Variants in FBXO32 observed in about 807,000 individuals in gnomAD.
The protein encoded by FBXO32 is F-box only protein 32.
In FBXO32, 15 loss-of-function variants were observed where a neutral mutation model predicts 48.3. The ratio of observed to expected loss-of-function variants is 0.31; its 90% CI spans 0.21 to 0.48. The LOEUF (loss-of-function observed/expected upper bound fraction) is 0.48, where lower values mean the gene tolerates loss of function less well. FBXO32 is among the 20% of genes least tolerant of loss of function. FBXO32 has a pLI of 0.99. For missense variants in FBXO32, 309 were observed against 432.7 expected, an observed-to-expected ratio of 0.71 and a Z score of 2.54; for synonymous variants, 154 against 165.9, an observed-to-expected ratio of 0.93 and a Z score of 0.55.
In FBXO32 at chr8:123,502,116, A is replaced by C. The variant is rs1816505330; in HGVS notation, c.*1257T>G. ...TACCTCTCCTCCCTATTTGGCTGGA[A>C]CTCCAGCCTTGATTTTTAATCACCT... is the stretch of plus-strand genomic sequence containing the variant. On this transcript the variant is annotated 3_prime_UTR_variant, in exon 9 of 9. Transcript: ENST00000517956. 1 of 152,062 alleles carries C rather than the reference A, an allele frequency of 6.6e-6. No individual in the cohort carries two copies. The allele number at this position is 152,062 out of a possible 1,614,324, so 9.4% of individuals were successfully genotyped here. A position where few individuals can be genotyped will look rare whatever the true frequency, so the allele number is the denominator to read the frequency against.
chr8:123,503,716 A>G (rs929831058), intron 8 of FBXO32, among the ~76,000 whole-genome samples: 4 of 152,222 alleles, frequency 2.6e-5, no homozygotes, highest in Non-Finnish European at 4.4e-5. Flanking sequence ...GGGTACAAAT[A>G]CACGGTATGA....
At chr8:123,536,710 AAAT>A (rs1421779114) in intron 1 of FBXO32, among the ~76,000 whole-genome samples, 1 of 152,242 alleles carries the variant, frequency 6.6e-6, no homozygotes, top group Non-Finnish European at 1.5e-5. Context: ...GAGAATCATA[AAAT>A]GAGGTTGTCT....
intron 6 of FBXO32, among the ~76,000 whole-genome samples, chr8:123,507,438 G>GGT (rs200031056): frequency 0.29 from 40,028 of 139,480 alleles, 5,884 homozygotes; most frequent in South Asian, 0.42. Flanking sequence ...TCTGTGCTAG[G>GGT]GTGTGTGTGT....
Position 123,506,417 on chromosome 8 carries a change from CAG to C in FBXO32, c.807_808del (p.Cys270ProfsTer59), listed in dbSNP as rs1816620494. The C allele has an allele frequency of 1.9e-6, 3 of 1,614,066 alleles. No individual in the cohort carries two copies. Among genetic ancestry groups the C allele is most frequent in the Admixed American group, 1.7e-5 (1 of 60,024 alleles). ...CTGCCGCTCGGAGAAGTGGTACTGG[CAG>C]AGTTTCTTCCACAGCAGCCGGTCTT... On this transcript the variant is annotated frameshift_variant, in exon 7 of 9. Transcript: ENST00000517956. LOFTEE classifies it high-confidence loss of function. This position sits in a 1 kb window ranked among gnomAD's most constrained non-coding sequence, Gnocchi z 4.0.
intron 3 of FBXO32, 55 bp from the exon 4 acceptor site, chr8:123,532,045 A>G (rs1028146008): frequency 1.2e-6 from 2 of 1,607,138 alleles, no homozygotes; most frequent in African/African-American, 2.7e-5. Flanking sequence ...AGGTCACCCA[A>G]GTAAGAATGA....
intron 4 of FBXO32, among the ~76,000 whole-genome samples, chr8:123,522,720 T>G (rs1180949631): frequency 6.6e-6 from 1 of 152,174 alleles, no homozygotes; most frequent in Non-Finnish European, 1.5e-5. Flanking sequence ...CATTTCTAGG[T>G]TCTGCTTACA....
intron 2 of FBXO32, among the ~76,000 whole-genome samples, 160 bp from the exon 3 acceptor site, chr8:123,533,400 A>G (rs1817247742): frequency 6.6e-6 from 1 of 152,262 alleles, no homozygotes; most frequent in Non-Finnish European, 1.5e-5. Flanking sequence ...TCTGCAGTGT[A>G]GAAATACTGG....
chr8:123,509,681 G>C (rs10087726), intron 6 of FBXO32, among the ~76,000 whole-genome samples: 42,603 of 151,872 alleles, frequency 0.28, 6,600 homozygotes, highest in East Asian at 0.52. Flanking sequence ...GCTTGGGCAA[G>C]GGGAATAAGA....
intron 4 of FBXO32, 75 bp from the exon 5 acceptor site, chr8:123,514,408 C>T: frequency 8.6e-7 from 1 of 1,156,936 alleles, no homozygotes. Context: ...CTTTTGAGTC[C>T]CATGACACGT....
At position 123,499,487 on chromosome 8, in the gene FBXO32, G is replaced by A. The variant is rs1209354676; in HGVS notation, c.*3886C>T. Reference sequence around the variant, plus strand: ...AACAGATTAAAAAAAAAAAAAAGATGTCAACATAGAAAATGATGATAGAGT... The same window carrying A: ...AACAGATTAAAAAAAAAAAAAAGATATCAACATAGAAAATGATGATAGAGT... On this transcript the variant is annotated 3_prime_UTR_variant, in exon 9 of 9. Transcript: ENST00000517956. 1 of 150,386 alleles carries A rather than the reference G, an allele frequency of 6.6e-6. No homozygotes were observed. The highest frequency in any genetic ancestry group is 6.6e-5 in the Admixed American group (1 of 15,102). 9.3% of individuals were successfully genotyped at this position (150,386 alleles called of 1,614,324 possible). A position where few individuals can be genotyped will look rare whatever the true frequency, so the allele number is the denominator to read the frequency against.
At chr8:123,537,287 A>G (rs965484928) in intron 1 of FBXO32, among the ~76,000 whole-genome samples, 2 of 151,848 alleles carry the variant, frequency 1.3e-5, no homozygotes, top group African/African-American at 4.8e-5. Flanking sequence ...TGCTTTCTTC[A>G]CTAAATTCAA....
At chr8:123,536,435 T>C (rs529464639) in intron 1 of FBXO32, among the ~76,000 whole-genome samples, 133 of 152,232 alleles carry the variant, frequency 8.7e-4, no homozygotes, top group African/African-American at 3.1e-3. Flanking sequence ...GATTATCTGC[T>C]CCAAGGTCAG....
At position 123,506,472 on chromosome 8, in the gene FBXO32, CCTGG is replaced by C; in HGVS notation, c.750_753del (p.Gln251LeufsTer32). On this transcript the variant is annotated frameshift_variant, in exon 7 of 9. Coordinates refer to ENST00000517956, the MANE Select transcript of FBXO32 (RefSeq NM_058229.4). LOFTEE classifies it high-confidence loss of function. This position sits in a 1 kb window ranked among gnomAD's most constrained non-coding sequence, Gnocchi z 4.0. ...CTGAGCACGTGCAGGTCGGGGGCAGCCTGGCCCAGGCTGACCAGGTCCCGCCCGT... is the reference window on the plus strand; with the variant it reads ...CTGAGCACGTGCAGGTCGGGGGCAGCCCCAGGCTGACCAGGTCCCGCCCGT... 1 of 1,614,114 alleles carries C rather than the reference CCTGG, an allele frequency of 6.2e-7. No individual in the cohort carries two copies. Among genetic ancestry groups the C allele is most frequent in the Non-Finnish European group, 8.5e-7 (1 of 1,180,014 alleles).
chr8:123,535,564 C>T (rs1817293187), intron 1 of FBXO32, among the ~76,000 whole-genome samples: 1 of 152,162 alleles, frequency 6.6e-6, no homozygotes, highest in Non-Finnish European at 1.5e-5. Flanking sequence ...GATGTACCTG[C>T]CTAATTCACA....
At position 123,506,417 on chromosome 8, in the gene FBXO32, C is replaced by T. The variant is rs768680591; in HGVS notation, c.809G>A (p.Cys270Tyr). The T allele has an allele frequency of 6.2e-7, 1 of 1,614,066 alleles. No individual in the cohort carries two copies. The highest frequency in any genetic ancestry group is 1.1e-5 in the South Asian group (1 of 91,072). The change falls in exon 7 of 9, where the codon TGC becomes TAC. Residue 270 changes from cysteine to tyrosine, a missense_variant. Cys to Tyr is a radical substitution (Grantham distance 194). Transcript: ENST00000517956. This position sits in a 1 kb window ranked among gnomAD's most constrained non-coding sequence, Gnocchi z 4.0. ...CTGCCGCTCGGAGAAGTGGTACTGG[C>T]AGAGTTTCTTCCACAGCAGCCGGTC... Reference protein sequence around the residue: ...SEDRLLWKKLCQYHFSERQIR... With the variant: ...SEDRLLWKKLYQYHFSERQIR...
chr8:123,506,350 A>C lies in FBXO32; in HGVS notation c.834+42T>G. 2 of 1,603,996 alleles carry C rather than the reference A, an allele frequency of 1.2e-6. No individual in the cohort carries two copies. Among genetic ancestry groups the C allele is most frequent in the Non-Finnish European group, 1.7e-6 (2 of 1,175,112 alleles). ...ACCAAGGAAGTTTGGGGTGAGGGCC[A>C]GAGAAGGAGGGTGGGAGGAAAGCCC... On this transcript the variant is annotated intron_variant, in intron 7 of 8. Transcript: ENST00000517956. This position sits in a 1 kb window ranked among gnomAD's most constrained non-coding sequence, Gnocchi z 4.0.
chr8:123,507,664 T>C (rs1448479000), intron 6 of FBXO32, among the ~76,000 whole-genome samples: 1 of 152,160 alleles, frequency 6.6e-6, no homozygotes, highest in African/African-American at 2.4e-5. Flanking sequence ...AACTTATTAA[T>C]ATATTTAAGC....
rs1250523353 is a variant in FBXO32 at position 123,525,074 on chromosome 8, A to C, written c.372+6824T>G. ...AGGGGCTTGGCAACAGCATGCCCTT[A>C]ATTTAAGGCATTGAATTTAAATTTG... On this transcript the variant is annotated intron_variant, in intron 4 of 8. Transcript: ENST00000517956. This position sits in a 1 kb window ranked among gnomAD's most constrained non-coding sequence, Gnocchi z 4.3. 6.6e-6 allele frequency among the ~76,000 whole-genome samples: 1 copy of C among 152,224 alleles called. No homozygotes were observed. The highest frequency in any genetic ancestry group is 1.5e-5 in the Non-Finnish European group (1 of 68,040).
chr8:123,528,822 C>A (rs1324208382), intron 4 of FBXO32, among the ~76,000 whole-genome samples: 2 of 152,232 alleles, frequency 1.3e-5, no homozygotes, highest in South Asian at 2.1e-4. Flanking sequence ...GCTCTCAAGG[C>A]TTTGAATGTT....
Sources: allele counts gnomAD v4.1 joint callset (sites outside exome capture counted in the v4.1 genomes callset), GRCh38; gene constraint gnomAD v4.1.1; non-coding constraint Gnocchi (gnomAD v3.1); transcripts MANE v1.5; gene names NCBI Gene and HGNC (gene_info 2026-07-23, HGNC 2026-07-21).